ADAMTSL1: variants seen among roughly 807,000 people sequenced by gnomAD.
ADAMTSL1 encodes the protein ADAMTS-like protein 1.
A neutral mutation model predicts 201.8 loss-of-function variants in ADAMTSL1; 126 were observed. That is an observed-to-expected ratio of 0.62 (90% CI 0.54 to 0.72). The LOEUF (loss-of-function observed/expected upper bound fraction) is 0.72. ADAMTSL1 is among the 30% of genes least tolerant of loss of function. The probability of loss-of-function intolerance (pLI) is 0.00; values close to 1 mark genes in which losing one functional copy is unlikely to be tolerated. For missense variants in ADAMTSL1, 2,679 were observed against 2,277.8 expected, an observed-to-expected ratio of 1.18 and a Z score of -3.59; for synonymous variants, 1,121 against 903.4, an observed-to-expected ratio of 1.24 and a Z score of -4.32.
chr9:18,753,177 A>C (rs1351466891), intron 15 of ADAMTSL1, 121 bp from the exon 16 acceptor site: 3 of 900,416 alleles, frequency 3.3e-6, no homozygotes, highest in Non-Finnish European at 5.4e-6. Flanking sequence ...GCTGCCAGCC[A>C]ATCTTGGGCT....
rs374760343 is a variant in ADAMTSL1 at position 18,737,261 on chromosome 9, G to C, written c.2006+15596G>C. 3.7e-4 allele frequency among the ~76,000 whole-genome samples: 51 copies of C among 137,586 alleles called. 3 individuals carry two copies. The South Asian group carries it at 0.012, about 31-fold the overall frequency. 90.3% of individuals were successfully genotyped at this position (137,586 alleles called of 152,430 possible). A position where few individuals can be genotyped will look rare whatever the true frequency, so the allele number is the denominator to read the frequency against. ...TTGAACCCGGGAGGTGGAGGTTGCA[G>C]TGAACTGAGATCACACCATTGCACT... On this transcript the variant is annotated intron_variant, in intron 15 of 28. Coordinates refer to ENST00000380548, the MANE Select transcript of ADAMTSL1 (RefSeq NM_001040272.6).
chr9:18,283,175 C>G (rs1832859420), intron 2 of ADAMTSL1, among the ~76,000 whole-genome samples: 1 of 152,080 alleles, frequency 6.6e-6, no homozygotes, highest in Non-Finnish European at 1.5e-5. Flanking sequence ...TATCTTTGAT[C>G]CTTTATCATT....
chr9:18,615,027 C>G (rs1333876566), intron 4 of ADAMTSL1, among the ~76,000 whole-genome samples: 1 of 152,044 alleles, frequency 6.6e-6, no homozygotes, highest in Non-Finnish European at 1.5e-5. Flanking sequence ...CAGTAAGGGT[C>G]AGGATTCAGC....
At chr9:18,120,866 T>C (rs777578424) in intron 1 of ADAMTSL1, among the ~76,000 whole-genome samples, 3 of 152,180 alleles carry the variant, frequency 2.0e-5, no homozygotes, top group Non-Finnish European at 4.4e-5. Flanking sequence ...AAATTACCTA[T>C]TATTAATACA....
At chr9:18,663,074 A>G (rs1382694474) in intron 9 of ADAMTSL1, among the ~76,000 whole-genome samples, 5 of 152,312 alleles carry the variant, frequency 3.3e-5, no homozygotes, top group Admixed American at 2.0e-4. Context: ...TGACTTGGGC[A>G]ATGTCGATGC....
intron 2 of ADAMTSL1, among the ~76,000 whole-genome samples, chr9:18,354,424 T>C (rs1836118853): frequency 6.6e-6 from 1 of 152,210 alleles, no homozygotes; most frequent in Non-Finnish European, 1.5e-5. Flanking sequence ...TATCTACATA[T>C]GGAGTGTAAT....
upstream of ADAMTSL1, among the ~76,000 whole-genome samples, chr9:18,472,426 G>T (rs1294308766): frequency 2.0e-5 from 3 of 152,204 alleles, no homozygotes; most frequent in Non-Finnish European, 2.9e-5. Context: ...CTTTGTTATG[G>T]ATTTGTACTG....
chr9:18,460,233 C>T (rs192162142), intron 2 of ADAMTSL1, among the ~76,000 whole-genome samples: 2 of 152,246 alleles, frequency 1.3e-5, no homozygotes, highest in Admixed American at 1.3e-4. Context: ...CCAAAGAGAG[C>T]ACAATGGAAA....
At chr9:17,938,842 T>C (rs1827115771) in intron 1 of ADAMTSL1, among the ~76,000 whole-genome samples, 1 of 152,164 alleles carries the variant, frequency 6.6e-6, no homozygotes, top group Non-Finnish European at 1.5e-5. Context: ...TTCCTGACTT[T>C]CCATGGCTTT....
intron 2 of ADAMTSL1, among the ~76,000 whole-genome samples, chr9:18,291,544 C>G (rs929901995): frequency 6.6e-6 from 1 of 152,106 alleles, no homozygotes; most frequent in Non-Finnish European, 1.5e-5. Context: ...TGAACCATTT[C>G]GTGCATTTCA....
chr9:18,083,380 A>G (rs1039619919), intron 1 of ADAMTSL1, among the ~76,000 whole-genome samples: 15 of 152,228 alleles, frequency 9.9e-5, no homozygotes, highest in African/African-American at 3.4e-4. Context: ...AAGTCATTGA[A>G]GAAGTTATCA....
At chr9:18,783,689 A>G (rs1821535575) in intron 19 of ADAMTSL1, among the ~76,000 whole-genome samples, 1 of 148,864 alleles carries the variant, frequency 6.7e-6, no homozygotes, top group Non-Finnish European at 1.5e-5. Flanking sequence ...AAGTTCTCAC[A>G]CTTAATAAGT....
intron 18 of ADAMTSL1, among the ~76,000 whole-genome samples, chr9:18,776,122 G>T (rs745696652): frequency 6.6e-6 from 1 of 152,178 alleles, no homozygotes; most frequent in Non-Finnish European, 1.5e-5. Context: ...AGTTTGCAGG[G>T]GGGTAGAGCA....
At chr9:18,551,934 G>A (rs1443838669) in intron 3 of ADAMTSL1, among the ~76,000 whole-genome samples, 1 of 151,696 alleles carries the variant, frequency 6.6e-6, no homozygotes, top group African/African-American at 2.4e-5. Flanking sequence ...GGCTGTATCT[G>A]CATCTGTCTC....
intron 1 of ADAMTSL1, among the ~76,000 whole-genome samples, chr9:18,074,772 G>A (rs1457478569): frequency 1.3e-5 from 2 of 151,742 alleles, no homozygotes; most frequent in African/African-American, 2.4e-5. Context: ...TGTATTTTTA[G>A]TAGAGATGGG....
At chr9:18,444,621 G>C (rs1204529894) in intron 2 of ADAMTSL1, among the ~76,000 whole-genome samples, 1 of 152,096 alleles carries the variant, frequency 6.6e-6, no homozygotes, top group African/African-American at 2.4e-5. Flanking sequence ...TCTATTGTAA[G>C]AATATTCTAC....
At chr9:18,518,113 G>A (rs181364006) in intron 2 of ADAMTSL1, among the ~76,000 whole-genome samples, 1 of 152,056 alleles carries the variant, frequency 6.6e-6, no homozygotes. Flanking sequence ...CAAACAGACT[G>A]CAAGGGAAAA....
chr9:17,978,561 A>G (rs999925004), intron 1 of ADAMTSL1, among the ~76,000 whole-genome samples: 2 of 151,612 alleles, frequency 1.3e-5, no homozygotes, highest in Non-Finnish European at 2.9e-5. Context: ...GCTTATGAAA[A>G]CACTATACTT....
chr9:18,906,379 C>G (rs1830312618), intron 27 of ADAMTSL1, among the ~76,000 whole-genome samples: 1 of 152,194 alleles, frequency 6.6e-6, no homozygotes, highest in African/African-American at 2.4e-5. Context: ...GGACTCACCA[C>G]CCCCACCTAA....
Sources: allele counts gnomAD v4.1 joint callset (sites outside exome capture counted in the v4.1 genomes callset), GRCh38; gene constraint gnomAD v4.1.1; transcripts MANE v1.5; gene names NCBI Gene and HGNC (gene_info 2026-07-23, HGNC 2026-07-21).